Variants in WIZ observed in about 807,000 individuals in gnomAD.
WIZ encodes the protein protein Wiz.
A neutral mutation model predicts 140.2 loss-of-function variants in WIZ; 25 were observed. The observed-to-expected ratio is 0.18, with a 90% CI of 0.13 to 0.25. The LOEUF (loss-of-function observed/expected upper bound fraction) is 0.25, where lower values mean the gene tolerates loss of function less well. Ranked by LOEUF, WIZ falls within the 10% of genes least tolerant of loss-of-function variation. The probability of loss-of-function intolerance (pLI) is 1.00; values close to 1 mark genes in which losing one functional copy is unlikely to be tolerated. For synonymous variants in WIZ, 1,125 were observed against 1,154.3 expected, an observed-to-expected ratio of 0.97 and a Z score of 0.51; for missense variants, 2,231 against 2,632.6, an observed-to-expected ratio of 0.85 and a Z score of 3.34.
In WIZ at chr19:15,424,265, G is replaced by A; in HGVS notation, c.5428C>T (p.Arg1810Trp). Residue 1810 changes from arginine to tryptophan, a missense_variant, in exon 12 of 13, where the codon CGG (arginine) becomes TGG (tryptophan). Physicochemically the swap from Arg to Trp is moderately radical, Grantham distance 101. Coordinates refer to ENST00000673675, the MANE Select transcript of WIZ (RefSeq NM_001371589.1). The surrounding 1 kb of genome is among the most constrained non-coding windows in gnomAD (Gnocchi z 9.7). ...EEVRQPPPRV[R>W]PVPSLVPRPP... Reference sequence around the variant, plus strand: ...CGGGGCACCAGGGAGGGGACTGGCCGGACTCGGGGTGGGGGTTGCCGCACC... The same window carrying A: ...CGGGGCACCAGGGAGGGGACTGGCCAGACTCGGGGTGGGGGTTGCCGCACC... 6.3e-6 allele frequency: 10 copies of A among 1,588,014 alleles called. No homozygotes were observed. The highest frequency in any genetic ancestry group is 8.5e-6 in the Non-Finnish European group (10 of 1,170,732).
chr19:15,444,771 G>A (rs1969859528), intron 2 of WIZ, among the ~76,000 whole-genome samples: 2 of 152,174 alleles, frequency 1.3e-5, no homozygotes, highest in Non-Finnish European at 1.5e-5. Flanking sequence ...GAGGGCAGCC[G>A]GTTCACATAT....
rs868278454 is a variant in WIZ at position 15,439,675 on chromosome 19, C to G, written c.1319G>C (p.Ser440Thr). ...QTTKEPFGGS[S>T]GAGSPSPEAS... ...CTCAGGGCTGGGGCTGCCAGCCCCG[C>G]TGCTGCCTCCAAAAGGCTCTTTGGT... The change falls in exon 4 of 13, where the codon AGC becomes ACC. Residue 440 changes from serine to threonine, a missense_variant. Ser to Thr is a moderately conservative substitution (Grantham distance 58). Transcript: ENST00000673675. The surrounding 1 kb of genome is among the most constrained non-coding windows in gnomAD (Gnocchi z 7.0). 1.3e-6 allele frequency: 2 copies of G among 1,501,806 alleles called. No individual in the cohort carries two copies. The highest frequency in any genetic ancestry group is 1.4e-5 in the African/African-American group (1 of 71,350). The allele number at this position is 1,501,806 out of a possible 1,614,324, so 93.0% of individuals were successfully genotyped here.
rs1969715640 is a variant in WIZ, at chr19:15,440,806, G to A, written c.279-91C>T. ...TGGGGGTCCTCCCAGGCCGTTTGAA[G>A]CAGGCCCCGGAGATCCAGCCCGAGG... On this transcript the variant is annotated intron_variant, in intron 3 of 12. Coordinates refer to ENST00000673675, the MANE Select transcript of WIZ (RefSeq NM_001371589.1). The surrounding 1 kb of genome is among the most constrained non-coding windows in gnomAD (Gnocchi z 6.2). 2 of 1,323,284 alleles carry A rather than the reference G, an allele frequency of 1.5e-6. No homozygotes were observed. Among genetic ancestry groups the A allele is most frequent in the East Asian group, 5.1e-5 (2 of 39,228 alleles). 82.0% of individuals were successfully genotyped at this position (1,323,284 alleles called of 1,614,324 possible). A position where few individuals can be genotyped will look rare whatever the true frequency, so the allele number is the denominator to read the frequency against.
chr19:15,443,207 A>T (rs1335667351), intron 2 of WIZ, among the ~76,000 whole-genome samples: 2 of 152,140 alleles, frequency 1.3e-5, no homozygotes, highest in Non-Finnish European at 2.9e-5. Flanking sequence ...GAGTAGCTGG[A>T]ATTACAGGCG....
Position 15,439,956 on chromosome 19 carries a change from A to G in WIZ, c.1038T>C (p.Pro346=). 6.5e-7 allele frequency: 1 copy of G among 1,535,426 alleles called. No homozygotes were observed. The highest frequency in any genetic ancestry group is 1.4e-5 in the African/African-American group (1 of 73,122). ...QHRRAPGQEP[P]ADLAPLACGE... ...CGCAGGCCAGCGGGGCCAGGTCCGC[A>G]GGGGGCTCCTGGCCCGGGGCTCGGC... The change falls in exon 4 of 13, where the codon CCT becomes CCC. Residue 346 remains proline, a synonymous_variant. Transcript: ENST00000673675. This position sits in a 1 kb window ranked among gnomAD's most constrained non-coding sequence, Gnocchi z 7.0.
intron 9 of WIZ, among the ~76,000 whole-genome samples, chr19:15,426,392 G>A (rs966692591): frequency 6.6e-6 from 1 of 152,164 alleles, no homozygotes; most frequent in African/African-American, 2.4e-5. Flanking sequence ...ACATTACAAT[G>A]ATGGCATACA....
At chr19:15,437,547 T>C (rs1239458322) in intron 4 of WIZ, among the ~76,000 whole-genome samples, 1 of 152,196 alleles carries the variant, frequency 6.6e-6, no homozygotes, top group Non-Finnish European at 1.5e-5. Flanking sequence ...TCCCAGCTAC[T>C]TGGGAGGCTA....
intron 5 of WIZ, among the ~76,000 whole-genome samples, chr19:15,431,910 G>C (rs1481844820): frequency 1.3e-5 from 2 of 152,226 alleles, no homozygotes; most frequent in Non-Finnish European, 2.9e-5. Flanking sequence ...AAAGGGGCCT[G>C]GGAGGCCAGT....
At chr19:15,434,946 A>G (rs1403319470) in intron 5 of WIZ, among the ~76,000 whole-genome samples, 2 of 152,088 alleles carry the variant, frequency 1.3e-5, no homozygotes, top group East Asian at 1.9e-4. Context: ...AAACAGGGAC[A>G]TGGCCGGTGC....
intron 3 of WIZ, among the ~76,000 whole-genome samples, chr19:15,441,960 G>A (rs971845409): frequency 6.6e-6 from 1 of 152,158 alleles, no homozygotes; most frequent in Non-Finnish European, 1.5e-5. Flanking sequence ...GCTGAGGTGG[G>A]TGGATCACCT....
chr19:15,440,442 G>A lies in WIZ; in HGVS notation c.552C>T (p.Phe184=), dbSNP rs565175345. ...LEKHAQGRPR[F]DWLQDEDEQG... ...GCTCGTCCTCATCTTGGAGCCAGTCGAACCTGGGGCGGCCCTGGGCATGTT... is the reference window on the plus strand; with the variant it reads ...GCTCGTCCTCATCTTGGAGCCAGTCAAACCTGGGGCGGCCCTGGGCATGTT... The change falls in exon 4 of 13, where the codon TTC becomes TTT. Residue 184 remains phenylalanine (F), a synonymous_variant. Transcript: ENST00000673675. This position sits in a 1 kb window ranked among gnomAD's most constrained non-coding sequence, Gnocchi z 6.2. 15 of 1,536,088 alleles carry A rather than the reference G, an allele frequency of 9.8e-6. No homozygotes were observed. The Admixed American group carries it at 1.8e-4, about 18-fold the overall frequency.
chr19:15,441,898 ATGACCTGGCCAG>A, intron 3 of WIZ, among the ~76,000 whole-genome samples: 1 of 152,056 alleles, frequency 6.6e-6, no homozygotes, highest in African/African-American at 2.4e-5. Flanking sequence ...TAAACTTACT[ATGACCTGGCCAG>A]GCATGGTGGC....
Position 15,439,436 on chromosome 19 carries a change from T to C in WIZ, c.1558A>G (p.Thr520Ala). 1.3e-6 allele frequency: 2 copies of C among 1,531,328 alleles called. No homozygotes were observed. Among genetic ancestry groups the C allele is most frequent in the South Asian group, 1.2e-5 (1 of 83,570 alleles). The allele number at this position is 1,531,328 out of a possible 1,614,324, so 94.9% of individuals were successfully genotyped here. A position where few individuals can be genotyped will look rare whatever the true frequency, so the allele number is the denominator to read the frequency against. ...GCTTTGCCAAAGTAGTCCACAGCAG[T>C]GTCAGGGAAGCAGGCGTGAGCATCC... is the stretch of plus-strand genomic sequence containing the variant. ...SQDAHACFPD[T>A]AVDYFGKAEP... Residue 520 changes from threonine (T) to alanine (A), a missense_variant, in exon 4 of 13, where the codon ACT becomes GCT. By Grantham distance (58) the Thr-to-Ala change is moderately conservative. This residue lies in a region of WIZ where 475 missense variants were observed against 520.2 expected (regional missense o/e 0.91). Coordinates refer to ENST00000673675, the MANE Select transcript of WIZ (RefSeq NM_001371589.1). This position sits in a 1 kb window ranked among gnomAD's most constrained non-coding sequence, Gnocchi z 7.0.
intron 1 of WIZ, chr19:15,449,414 G>C (rs1970032666): frequency 6.6e-6 from 1 of 152,408 alleles, no homozygotes; most frequent in Admixed American, 6.5e-5. Flanking sequence ...CGCGGGGAAC[G>C]GGCGGGACCG....
At position 15,440,354 on chromosome 19, in the gene WIZ, G is replaced by A. The variant is rs763290283; in HGVS notation, c.640C>T (p.Pro214Ser). Residue 214 changes from proline (P) to serine (S), a missense_variant, in exon 4 of 13, where the codon CCC becomes TCC. Transcript: ENST00000673675. The surrounding 1 kb of genome is among the most constrained non-coding windows in gnomAD (Gnocchi z 6.2). ...ACTGGCACAAACACCCTCCTGAAGG[G>A]GGCGAGGGGTGGCGGCTGGGCAGGC... The part of the protein sequence containing the change: ...DLPAQPPPLA[P>S]FRRVFVPVED... 38 of 1,530,092 alleles carry A rather than the reference G, an allele frequency of 2.5e-5. No individual in the cohort carries two copies. The highest frequency in any genetic ancestry group is 9.6e-6 in the Non-Finnish European group (11 of 1,142,680). The allele number at this position is 1,530,092 out of a possible 1,614,324, so 94.8% of individuals were successfully genotyped here. A position where few individuals can be genotyped will look rare whatever the true frequency, so the allele number is the denominator to read the frequency against.
rs1599720264 is a variant in WIZ, at chr19:15,448,202, C to T, written c.106G>A (p.Ala36Thr). 2 of 1,613,268 alleles carry T rather than the reference C, an allele frequency of 1.2e-6. No individual in the cohort carries two copies. The highest frequency in any genetic ancestry group is 1.7e-4 in the Middle Eastern group (1 of 6,050). The change falls in exon 2 of 13, where the codon GCT (alanine) becomes ACT (threonine). Residue 36 changes from alanine (A) to threonine (T), a missense_variant. Ala to Thr is a moderately conservative substitution (Grantham distance 58). Coordinates refer to ENST00000673675, the MANE Select transcript of WIZ (RefSeq NM_001371589.1). Reference sequence around the variant, plus strand: ...AAGATGCCACCTTCCCCCTCAGCAGCTTCGGCCCCACCCTCGATGTTCTCC... The same window carrying T: ...AAGATGCCACCTTCCCCCTCAGCAGTTTCGGCCCCACCCTCGATGTTCTCC... ...PRENIEGGAEAAEGEGGIFRS... is the reference protein window; with the variant it reads ...PRENIEGGAETAEGEGGIFRS...
Position 15,427,520 on chromosome 19 carries a change from C to T in WIZ, c.3828G>A (p.Glu1276=), listed in dbSNP as rs768685248. Residue 1276 remains glutamate, a synonymous_variant, in exon 9 of 13, where the codon GAG becomes GAA. Coordinates refer to ENST00000673675, the MANE Select transcript of WIZ (RefSeq NM_001371589.1). This position sits in a 1 kb window ranked among gnomAD's most constrained non-coding sequence, Gnocchi z 6.4. ...ACTCGCAGCGGATGTCTCGTGCTGG[C>T]TCTGGGCCTGAGGCTGCAGCAGGAG... The part of the protein sequence containing the change: ...PSPLNLSSGP[E]PARDIRCEFC... 43 of 1,607,660 alleles carry T rather than the reference C, an allele frequency of 2.7e-5. 1 individual carries two copies. The East Asian group carries it at 9.4e-4, about 35-fold the overall frequency.
At position 15,448,068 on chromosome 19, in the gene WIZ, A is replaced by T. The variant is rs745734885; in HGVS notation, c.205+35T>A. On this transcript the variant is annotated intron_variant, in intron 2 of 12. Coordinates refer to ENST00000673675, the MANE Select transcript of WIZ (RefSeq NM_001371589.1). Reference sequence around the variant, plus strand: ...CTCTGAGCCTTGGGGAATGGGCTGGATGCTCCCTGGGGGCCACACGGCCCA... The same window carrying T: ...CTCTGAGCCTTGGGGAATGGGCTGGTTGCTCCCTGGGGGCCACACGGCCCA... 2.5e-6 allele frequency: 4 copies of T among 1,608,212 alleles called. No individual in the cohort carries two copies. In the East Asian group the frequency reaches 8.9e-5, roughly 36 times the overall value.
At chr19:15,429,501 G>GGCCCGGGCCAGGGGGAAACC in intron 7 of WIZ, 85 bp downstream of exon 7, 1 of 1,175,028 alleles carries the variant, frequency 8.5e-7, no homozygotes, top group Non-Finnish European at 1.1e-6. Flanking sequence ...CCCACCCTGG[G>GGCCCGGGCCAGGGGGAAACC]CCCTGTCCCT....
Sources: gnomAD v4.1 joint callset for allele counts (sites outside exome capture counted in the v4.1 genomes callset) on GRCh38, gnomAD v4.1.1 for gene constraint, gnomAD v4.1.1 regional missense constraint, Gnocchi (gnomAD v3.1) non-coding constraint, MANE v1.5 for transcripts, NCBI Gene and HGNC (gene_info 2026-07-23, HGNC 2026-07-21) for gene names.